Variants in CRADD observed in about 807,000 individuals in gnomAD.
CRADD encodes the protein death domain-containing protein CRADD.
A neutral mutation model predicts 15.5 loss-of-function variants in CRADD; 9 were observed. That is an observed-to-expected ratio of 0.58 (90% confidence interval 0.35 to 1.01). The LOEUF is 1.01. Among genes scored for constraint, CRADD ranks in the 50% least tolerant of loss-of-function variants. The probability of loss-of-function intolerance (pLI) is 0.02; values close to 1 mark genes in which losing one functional copy is unlikely to be tolerated. For missense variants in CRADD, 227 were observed against 250.3 expected (o/e 0.91, Z 0.63); for synonymous variants, 118 against 107.6 (o/e 1.10, Z -0.60).
chr12:93,778,285 T>G (rs545559919), intron 2 of CRADD, among the ~76,000 whole-genome samples: 1 of 152,328 alleles, frequency 6.6e-6, no homozygotes, highest in Admixed American at 6.5e-5. Context: ...TCCACTGATT[T>G]TATTTTGAAT....
intron 2 of CRADD, among the ~76,000 whole-genome samples, chr12:93,759,480 C>T (rs1180364579): frequency 6.6e-6 from 1 of 152,038 alleles, no homozygotes; most frequent in Non-Finnish European, 1.5e-5. Flanking sequence ...CTTTATTTTT[C>T]TCACCGGTTC....
intron 2 of CRADD, among the ~76,000 whole-genome samples, chr12:93,860,709 CAGG>C (rs909526688): frequency 6.6e-6 from 1 of 152,106 alleles, no homozygotes; most frequent in Non-Finnish European, 1.5e-5. Flanking sequence ...AATAATTAAT[CAGG>C]AGGACATTTA....
At chr12:93,727,569 G>A (rs965490075) in intron 2 of CRADD, among the ~76,000 whole-genome samples, 7 of 152,170 alleles carry the variant, frequency 4.6e-5, no homozygotes, top group African/African-American at 1.7e-4. Context: ...GGGCTTTAAG[G>A]AATCTAGAGC....
At chr12:93,876,760 CA>C (rs1958460220) in intron 2 of CRADD, among the ~76,000 whole-genome samples, 1 of 152,112 alleles carries the variant, frequency 6.6e-6, no homozygotes, top group Non-Finnish European at 1.5e-5. Flanking sequence ...GTATCCTCAA[CA>C]CAGCTATTTT....
chr12:93,819,635 G>C (rs964732989), intron 2 of CRADD, among the ~76,000 whole-genome samples: 3 of 152,232 alleles, frequency 2.0e-5, no homozygotes, highest in African/African-American at 7.2e-5. Flanking sequence ...GCAATTGTGA[G>C]AGGTAAGCAG....
At chr12:93,683,374 T>C (rs911986902) in intron 2 of CRADD, among the ~76,000 whole-genome samples, 1 of 152,206 alleles carries the variant, frequency 6.6e-6, no homozygotes, top group Non-Finnish European at 1.5e-5. Flanking sequence ...CCTCCGTTGG[T>C]TTGATTCATG....
At chr12:93,859,190 A>G (rs1378944276) in intron 2 of CRADD, 7 of 405,268 alleles carry the variant, frequency 1.7e-5, no homozygotes, top group Non-Finnish European at 3.4e-5. Context: ...TGTTTGCTAT[A>G]TTTATATTTT....
chr12:93,725,909 C>T (rs1956355718), intron 2 of CRADD, among the ~76,000 whole-genome samples: 1 of 152,078 alleles, frequency 6.6e-6, no homozygotes, highest in Non-Finnish European at 1.5e-5. Flanking sequence ...GATAAGGAAG[C>T]TCAGACACAT....
chr12:93,738,970 A>G (rs560017582), intron 2 of CRADD, among the ~76,000 whole-genome samples: 1 of 152,224 alleles, frequency 6.6e-6, no homozygotes, highest in Non-Finnish European at 1.5e-5. Context: ...TTTCTTCATC[A>G]TTTTAATTTC....
rs1224162773 is a variant in CRADD, at chr12:93,824,019, C to T, written c.299-25951C>T. Among the ~76,000 whole-genome samples, 1 of 152,136 alleles carries T rather than the reference C, an allele frequency of 6.6e-6. No individual in the cohort carries two copies. The highest frequency in any genetic ancestry group is 1.9e-4 in the East Asian group (1 of 5,206). On this transcript the variant is annotated intron_variant, in intron 2 of 2. Transcript: ENST00000332896. The surrounding 1 kb of genome is among the most constrained non-coding windows in gnomAD (Gnocchi z 4.3). ...ACTGACAAAATAATGAAATACATGGCGTTTCCCCAGTGAATGGAAAGCTGC... is the reference window on the plus strand; with the variant it reads ...ACTGACAAAATAATGAAATACATGGTGTTTCCCCAGTGAATGGAAAGCTGC...
chr12:93,845,357 A>G lies in CRADD; in HGVS notation c.299-4613A>G, dbSNP rs534511267. ...TTCTGGACAGAGATGTTCACGTTAT[A>G]AGTATGAACAAGATGGCAGTGAGTG... On this transcript the variant is annotated intron_variant, in intron 2 of 2. Coordinates refer to ENST00000332896, the MANE Select transcript of CRADD (RefSeq NM_003805.5). 3.4e-3 allele frequency among the ~76,000 whole-genome samples: 512 copies of G among 152,318 alleles called. 4 individuals are homozygous for G. The highest frequency in any genetic ancestry group is 6.8e-3 in the Middle Eastern group (2 of 294).
chr12:93,771,302 T>C (rs1487959209), intron 2 of CRADD, among the ~76,000 whole-genome samples: 3 of 152,232 alleles, frequency 2.0e-5, no homozygotes, highest in Non-Finnish European at 4.4e-5. Context: ...CCCAGAGTTA[T>C]AATAGGTTCC....
At chr12:93,690,496 G>A (rs1465568283) in intron 2 of CRADD, among the ~76,000 whole-genome samples, 6 of 152,212 alleles carry the variant, frequency 3.9e-5, no homozygotes, top group Non-Finnish European at 5.9e-5. Flanking sequence ...AAATCAGAAT[G>A]TATTGGGGGA....
At chr12:93,796,295 T>G (rs931800638) in intron 2 of CRADD, among the ~76,000 whole-genome samples, 1 of 152,130 alleles carries the variant, frequency 6.6e-6, no homozygotes, top group Non-Finnish European at 1.5e-5. Flanking sequence ...GGATCATTCT[T>G]TATGAACTAC....
intron 2 of CRADD, among the ~76,000 whole-genome samples, chr12:93,858,254 C>T (rs77731959): frequency 0.058 from 8,844 of 152,228 alleles, 294 homozygotes; most frequent in African/African-American, 0.077. Flanking sequence ...AGGCTGTTGC[C>T]ATAGGAGGAC....
chr12:93,860,726 G>A (rs941272177), intron 2 of CRADD, among the ~76,000 whole-genome samples: 1 of 152,166 alleles, frequency 6.6e-6, no homozygotes, highest in Non-Finnish European at 1.5e-5. Flanking sequence ...ACATTTACAT[G>A]AGTCACCTTC....
At chr12:93,846,298 A>C (rs1057177407) in intron 2 of CRADD, among the ~76,000 whole-genome samples, 2 of 152,142 alleles carry the variant, frequency 1.3e-5, no homozygotes, top group African/African-American at 4.8e-5. Flanking sequence ...ATATACCCAG[A>C]AGTGGGATTG....
chr12:93,830,821 G>A (rs1015996182), intron 2 of CRADD, among the ~76,000 whole-genome samples: 17 of 152,168 alleles, frequency 1.1e-4, no homozygotes, highest in East Asian at 5.8e-4. Context: ...AGAAAAGGTC[G>A]TGTTGAAGCC....
At chr12:93,680,877 G>A (rs17021462) in intron 2 of CRADD, among the ~76,000 whole-genome samples, 1,670 of 152,098 alleles carry the variant, frequency 0.011, 32 homozygotes, top group African/African-American at 0.037. Context: ...CATTCGTAGA[G>A]GTATAATACC....
Sources: gnomAD v4.1 joint callset for allele counts (sites outside exome capture counted in the v4.1 genomes callset) on GRCh38, gnomAD v4.1.1 for gene constraint, Gnocchi (gnomAD v3.1) non-coding constraint, MANE v1.5 for transcripts, NCBI Gene and HGNC (gene_info 2026-07-23, HGNC 2026-07-21) for gene names.